Variants in EIF4G3 observed in about 807,000 individuals in gnomAD.
The protein encoded by EIF4G3 is eukaryotic translation initiation factor 4 gamma 3.
EIF4G3 carries 34 observed loss-of-function variants against 186.4 expected under a neutral mutation model. The observed-to-expected ratio is 0.18, with a 90% confidence interval of 0.14 to 0.24. The LOEUF is 0.24. Ranked by LOEUF, EIF4G3 falls within the 10% of genes least tolerant of loss-of-function variation. EIF4G3 has a pLI of 1.00. For missense variants in EIF4G3, 1,536 were observed against 1,948.5 expected (o/e 0.79, Z 3.99); for synonymous variants, 673 against 679.5 (o/e 0.99, Z 0.15).
At chr1:20,979,348 G>A (rs954388515) in intron 10 of EIF4G3, among the ~76,000 whole-genome samples, 5 of 152,194 alleles carry the variant, frequency 3.3e-5, no homozygotes, top group East Asian at 1.9e-4. Flanking sequence ...ACAATTTTGC[G>A]GAGAATCACA....
At chr1:20,938,722 TTTTAA>T (rs1393154419) in intron 14 of EIF4G3, among the ~76,000 whole-genome samples, 1 of 152,230 alleles carries the variant, frequency 6.6e-6, no homozygotes. Flanking sequence ...CTGGAGGTAA[TTTTAA>T]TTTTCATTGT....
intron 7 of EIF4G3, among the ~76,000 whole-genome samples, chr1:20,986,496 G>A (rs911736172): frequency 5.9e-5 from 9 of 151,956 alleles, no homozygotes; most frequent in African/African-American, 1.9e-4. Flanking sequence ...ATTTCAGATT[G>A]TACCGACTGC....
At chr1:20,849,322 G>A in intron 29 of EIF4G3, 93 bp downstream of exon 29, 1 of 614,822 alleles carries the variant, frequency 1.6e-6, no homozygotes. Flanking sequence ...AGTCTTATCA[G>A]TTCACAATGA....
chr1:20,921,613 C>T (rs924575166), intron 14 of EIF4G3, among the ~76,000 whole-genome samples: 3 of 152,162 alleles, frequency 2.0e-5, no homozygotes, highest in Non-Finnish European at 4.4e-5. Context: ...GATTCCACAG[C>T]CATATATGCT....
intron 3 of EIF4G3, among the ~76,000 whole-genome samples, chr1:21,053,726 G>C (rs1160197435): frequency 1.4e-5 from 2 of 144,858 alleles, no homozygotes; most frequent in Admixed American, 1.4e-4. Context: ...ATGTTGGGGG[G>C]TCAGCCCCCG....
intron 3 of EIF4G3, among the ~76,000 whole-genome samples, chr1:21,052,949 T>C (rs1329149569): frequency 1.3e-5 from 2 of 152,080 alleles, no homozygotes; most frequent in Non-Finnish European, 2.9e-5. Flanking sequence ...ACCTCCCAGC[T>C]GCCTGCCTTG....
At chr1:20,931,199 T>TA (rs2095292833) in intron 14 of EIF4G3, among the ~76,000 whole-genome samples, 1 of 152,216 alleles carries the variant, frequency 6.6e-6, no homozygotes, top group East Asian at 1.9e-4. Flanking sequence ...AGGAGGTTTT[T>TA]AGTTTGCCCA....
At chr1:21,099,489 A>G (rs2096466612) in intron 2 of EIF4G3, among the ~76,000 whole-genome samples, 1 of 152,360 alleles carries the variant, frequency 6.6e-6, no homozygotes, top group Admixed American at 6.5e-5. Flanking sequence ...AATGCTAATT[A>G]TTTTAAGTAA....
chr1:21,030,858 T>C (rs900168137), intron 4 of EIF4G3, among the ~76,000 whole-genome samples: 1 of 151,880 alleles, frequency 6.6e-6, no homozygotes, highest in African/African-American at 2.4e-5. Context: ...TATGTGTCTA[T>C]ATACAGTTGC....
At chr1:20,923,365 A>G (rs972761785) in intron 14 of EIF4G3, among the ~76,000 whole-genome samples, 5 of 152,160 alleles carry the variant, frequency 3.3e-5, no homozygotes, top group Non-Finnish European at 5.9e-5. Flanking sequence ...GACCACTGGC[A>G]TATCTTCTAG....
intron 30 of EIF4G3, among the ~76,000 whole-genome samples, chr1:20,840,253 C>G (rs1356099384): frequency 6.6e-6 from 1 of 152,128 alleles, no homozygotes; most frequent in Non-Finnish European, 1.5e-5. Context: ...CACAAATATA[C>G]CAGAACCTGA....
Position 20,807,221 on chromosome 1 carries a change from G to C in EIF4G3, c.*98C>G, listed in dbSNP as rs1243800481. ...CTCGTGCACACGTGGGGGTTTCTGC[G>C]AGAATTGGCCTTGCTGCACTGTGAT... On this transcript the variant is annotated 3_prime_UTR_variant, in exon 37 of 37. Transcript: ENST00000602326. 8.7e-7 allele frequency: 1 copy of C among 1,155,892 alleles called. No individual in the cohort carries two copies. Among genetic ancestry groups the C allele is most frequent in the African/African-American group, 1.5e-5 (1 of 64,926 alleles). The allele number at this position is 1,155,892 out of a possible 1,614,324, so 71.6% of individuals were successfully genotyped here. A position where few individuals can be genotyped will look rare whatever the true frequency, so the allele number is the denominator to read the frequency against.
intron 2 of EIF4G3, among the ~76,000 whole-genome samples, chr1:21,153,590 C>T (rs534973810): frequency 1.3e-5 from 2 of 152,222 alleles, no homozygotes; most frequent in South Asian, 4.1e-4. Flanking sequence ...GACGGAGTCT[C>T]GCTCTTGTAG....
chr1:20,831,077 C>T lies in EIF4G3; in HGVS notation c.4062-1805G>A, dbSNP rs976239521. 6.6e-5 allele frequency among the ~76,000 whole-genome samples: 10 copies of T among 152,168 alleles called. 1 individual carries two copies. Among genetic ancestry groups the T allele is most frequent in the Admixed American group, 5.9e-4 (9 of 15,272 alleles). ...CTTGGCATGTAGTGACCATCACAGT[C>T]ATTGGACTGTCAGGCTTTTCTTTGG... is the stretch of plus-strand genomic sequence containing the variant. On this transcript the variant is annotated intron_variant, in intron 30 of 36. Transcript: ENST00000602326.
chr1:20,990,385 T>C (rs972484223), intron 7 of EIF4G3, among the ~76,000 whole-genome samples: 10 of 151,914 alleles, frequency 6.6e-5, no homozygotes, highest in African/African-American at 1.9e-4. Context: ...AGAAAGTATT[T>C]AATTACCAGC....
At chr1:21,168,704 G>A (rs2097903364) in intron 2 of EIF4G3, among the ~76,000 whole-genome samples, 1 of 152,040 alleles carries the variant, frequency 6.6e-6, no homozygotes, top group Admixed American at 6.6e-5. Context: ...GGGATTACAG[G>A]CATGAACCAC....
At chr1:20,969,894 T>C (rs1163792546) in intron 11 of EIF4G3, among the ~76,000 whole-genome samples, 1 of 152,234 alleles carries the variant, frequency 6.6e-6, no homozygotes, top group Non-Finnish European at 1.5e-5. Context: ...ACTGATTTTA[T>C]TTACCATATT....
At chr1:21,044,298 A>G (rs1301175866) in intron 4 of EIF4G3, among the ~76,000 whole-genome samples, 1 of 152,216 alleles carries the variant, frequency 6.6e-6, no homozygotes, top group African/African-American at 2.4e-5. Flanking sequence ...AATGTCATTA[A>G]AAGTTACAAA....
At chr1:20,968,543 G>C (rs544062449) in intron 12 of EIF4G3, among the ~76,000 whole-genome samples, 1 of 152,120 alleles carries the variant, frequency 6.6e-6, no homozygotes, top group Admixed American at 6.5e-5. Flanking sequence ...CTAAACTCCA[G>C]TTTCCTCTAC....
Sources: gnomAD v4.1 joint callset for allele counts (sites outside exome capture counted in the v4.1 genomes callset) on GRCh38, gnomAD v4.1.1 for gene constraint, MANE v1.5 for transcripts, NCBI Gene and HGNC (gene_info 2026-07-23, HGNC 2026-07-21) for gene names.